The following PDE1C variants were observed in gnomAD, a reference collection of about 807,000 sequenced individuals.
The protein encoded by PDE1C is phosphodiesterase 1C, also known as dual specificity calcium/calmodulin-dependent 3',5'-cyclic nucleotide phosphodiesterase 1C.
PDE1C carries 62 observed loss-of-function variants against 93.1 expected under a neutral mutation model. The ratio of observed to expected loss-of-function variants is 0.67; its 90% confidence interval spans 0.54 to 0.82. The LOEUF (loss-of-function observed/expected upper bound fraction) is 0.82, where lower values mean the gene tolerates loss of function less well. Ranked by LOEUF, PDE1C falls within the 40% of genes least tolerant of loss-of-function variation. The pLI, the probability that PDE1C is intolerant of heterozygous loss-of-function variation, is 0.00. For missense variants in PDE1C, 742 were observed against 884.6 expected (o/e 0.84, Z 2.04); for synonymous variants, 325 against 310.1 (o/e 1.05, Z -0.50).
chr7:31,813,998 T>A (rs1377561071), intron 15 of PDE1C, among the ~76,000 whole-genome samples: 1 of 151,988 alleles, frequency 6.6e-6, no homozygotes, highest in African/African-American at 2.4e-5. Flanking sequence ...CATTCCTTTT[T>A]ATGGCTGAAT....
At chr7:32,218,309 C>T (rs892950852) in intron 1 of PDE1C, among the ~76,000 whole-genome samples, 1 of 152,246 alleles carries the variant, frequency 6.6e-6, no homozygotes, top group Non-Finnish European at 1.5e-5. Flanking sequence ...CTGAATCAGG[C>T]ACTTGCACAA....
chr7:31,782,725 C>T (rs558345388), intron 16 of PDE1C, among the ~76,000 whole-genome samples: 5 of 152,210 alleles, frequency 3.3e-5, no homozygotes, highest in Admixed American at 3.3e-4. Flanking sequence ...TCATGATGGC[C>T]CAACTTAAAT....
At chr7:31,963,252 A>T (rs1374736014) in intron 2 of PDE1C, among the ~76,000 whole-genome samples, 2 of 152,244 alleles carry the variant, frequency 1.3e-5, no homozygotes, top group Non-Finnish European at 2.9e-5. Context: ...TATTTAAAAA[A>T]AAGGTGGGAA....
upstream of PDE1C, chr7:32,070,449 C>T: frequency 6.3e-7 from 1 of 1,597,700 alleles, no homozygotes; most frequent in Non-Finnish European, 8.5e-7. Flanking sequence ...GCTGTCCCCT[C>T]CCCGTCTCCT....
At chr7:31,627,293 T>C in the PDE1C span, among the ~76,000 whole-genome samples, 1 of 152,084 alleles carries the variant, frequency 6.6e-6, no homozygotes, top group Non-Finnish European at 1.5e-5. Context: ...TTGGAATCAG[T>C]AAAAAGTAAT....
At chr7:31,707,607 G>A in the PDE1C span, 394 of 254,974 alleles carry the variant, frequency 1.5e-3, 7 homozygotes, top group East Asian at 0.027. Flanking sequence ...ACGGAACAGA[G>A]ATCGTGGATT....
At position 31,753,399 on chromosome 7, in the gene PDE1C, G is replaced by A; in HGVS notation, c.2115C>T (p.Asn705=). The stretch of plus-strand genomic sequence containing the variant: ...TCCCCTCGGCCTATTTTCTGTTCCA[G>A]TTATGTGAGATGTTCTGAATCTTTT... ...KMKKIQNISH[N]WNRK is the part of the protein sequence containing the mutation. The change falls in exon 18 of 18, where the codon AAC becomes AAT. Residue 705 remains asparagine, a synonymous_variant. Transcript: ENST00000396191. The A allele has an allele frequency of 6.2e-7, 1 of 1,612,190 alleles. No homozygotes were observed. The highest frequency in any genetic ancestry group is 8.5e-7 in the Non-Finnish European group (1 of 1,179,564).
the PDE1C span, among the ~76,000 whole-genome samples, chr7:31,698,956 ATATT>A: frequency 6.6e-6 from 1 of 152,222 alleles, no homozygotes; most frequent in African/African-American, 2.4e-5. Flanking sequence ...TGCTCAGTCA[ATATT>A]TATTGAGTGC....
chr7:31,644,076 T>C, the PDE1C span: 19 of 836,922 alleles, frequency 2.3e-5, no homozygotes, highest in Non-Finnish European at 3.5e-5. Flanking sequence ...TTTTAAATCA[T>C]GAATAACATT....
At chr7:32,425,190 T>C (rs1785504493) in intron 1 of PDE1C, among the ~76,000 whole-genome samples, 1 of 152,112 alleles carries the variant, frequency 6.6e-6, no homozygotes, top group African/African-American at 2.4e-5. Flanking sequence ...GCATAACTAG[T>C]TTACTCCCAG....
At chr7:32,190,850 C>G (rs1804187143) in intron 2 of PDE1C, among the ~76,000 whole-genome samples, 1 of 152,010 alleles carries the variant, frequency 6.6e-6, no homozygotes, top group Admixed American at 6.6e-5. Flanking sequence ...TTAATTTTAT[C>G]CTGGGGAGTC....
intron 1 of PDE1C, among the ~76,000 whole-genome samples, chr7:32,347,612 A>G (rs146800959): frequency 4.5e-4 from 69 of 152,306 alleles, no homozygotes; most frequent in African/African-American, 1.6e-3. Context: ...GGCCCTCCCT[A>G]AAGTCAGGGA....
chr7:31,678,415 T>A, the PDE1C span, among the ~76,000 whole-genome samples: 2,682 of 152,182 alleles, frequency 0.018, 33 homozygotes, highest in Middle Eastern at 0.041. Context: ...AATTCAGAGG[T>A]AGACTCAATT....
intron 1 of PDE1C, among the ~76,000 whole-genome samples, chr7:32,313,945 A>T (rs937574713): frequency 2.0e-5 from 3 of 152,080 alleles, no homozygotes; most frequent in Non-Finnish European, 4.4e-5. Context: ...TAGGTACCCA[A>T]ATGTGAAACC....
intron 17 of PDE1C, among the ~76,000 whole-genome samples, chr7:31,771,394 T>C (rs1795479056): frequency 6.6e-6 from 1 of 152,230 alleles, no homozygotes. Flanking sequence ...CTATTTGCTG[T>C]TTGTCTTTTA....
At chr7:31,732,796 G>T in the PDE1C span, among the ~76,000 whole-genome samples, 1 of 152,040 alleles carries the variant, frequency 6.6e-6, no homozygotes, top group Non-Finnish European at 1.5e-5. Context: ...ATCAATAATG[G>T]TAAACTGTAA....
intron 2 of PDE1C, among the ~76,000 whole-genome samples, chr7:32,015,567 A>T (rs1787784838): frequency 6.6e-6 from 1 of 151,866 alleles, no homozygotes; most frequent in South Asian, 2.1e-4. Flanking sequence ...CATGGAAGAC[A>T]AGAGCTAGAA....
chr7:31,807,737 G>C (rs1463983270), intron 16 of PDE1C, among the ~76,000 whole-genome samples: 2 of 151,890 alleles, frequency 1.3e-5, no homozygotes, highest in Non-Finnish European at 2.9e-5. Context: ...TCTGGCTTTG[G>C]TTGCCTTGAT....
intron 16 of PDE1C, among the ~76,000 whole-genome samples, chr7:31,792,407 T>C (rs1784689401): frequency 6.6e-6 from 1 of 152,118 alleles, no homozygotes; most frequent in Non-Finnish European, 1.5e-5. Context: ...ACTGATAAGG[T>C]GTGGTGATGA....
Sources: allele counts gnomAD v4.1 joint callset (sites outside exome capture counted in the v4.1 genomes callset), GRCh38; gene constraint gnomAD v4.1.1; transcripts MANE v1.5; gene names NCBI Gene and HGNC (gene_info 2026-07-23, HGNC 2026-07-21).